The following SMCO2 variants were observed in gnomAD, a reference collection of about 807,000 sequenced individuals.
The protein encoded by SMCO2 is single-pass membrane protein with coiled-coil domains 2, also known as single-pass membrane and coiled-coil domain-containing protein 2.
In SMCO2, 25 loss-of-function variants were observed where a neutral mutation model predicts 29.5. The ratio of observed to expected loss-of-function variants is 0.85; its 90% CI spans 0.62 to 1.18. The LOEUF (loss-of-function observed/expected upper bound fraction) is 1.18, where lower values mean the gene tolerates loss of function less well. Ranked by LOEUF, SMCO2 falls within the 50% of genes most tolerant of loss-of-function variation. SMCO2 has a pLI of 0.00. For missense variants in SMCO2, 348 were observed against 344.5 expected (o/e 1.01, Z -0.08); for synonymous variants, 117 against 123.3 (o/e 0.95, Z 0.34).
intron 2 of SMCO2, among the ~76,000 whole-genome samples, chr12:27,471,128 T>C (rs1949537661): frequency 6.6e-6 from 1 of 152,170 alleles, no homozygotes; most frequent in African/African-American, 2.4e-5. Flanking sequence ...TATATACATT[T>C]GCTAGTACGT....
At chr12:27,501,115 G>T (rs1321108522) in intron 7 of SMCO2, among the ~76,000 whole-genome samples, 2 of 150,362 alleles carry the variant, frequency 1.3e-5, no homozygotes, top group Non-Finnish European at 2.9e-5. Flanking sequence ...GGTCCTCAAG[G>T]ATTTAAAAAA....
chr12:27,447,554 C>T, the SMCO2 span, among the ~76,000 whole-genome samples: 112,118 of 151,830 alleles, frequency 0.74, 42,079 homozygotes, highest in African/African-American at 0.84. Context: ...GCCCAGGAGC[C>T]TGAGACCAGC....
upstream of SMCO2, among the ~76,000 whole-genome samples, chr12:27,463,974 C>T (rs938667056): frequency 4.6e-5 from 7 of 152,156 alleles, no homozygotes; most frequent in Non-Finnish European, 1.0e-4. Context: ...CTGAGGATGT[C>T]AGAAGTATAC....
chr12:27,474,729 C>A, intron 3 of SMCO2, 57 bp from the exon 4 acceptor site: 2 of 1,543,976 alleles, frequency 1.3e-6, no homozygotes, highest in Non-Finnish European at 1.8e-6. Context: ...CTGGAAGAAC[C>A]ACCACATCTT....
At chr12:27,497,836 C>T (rs1943029970) in intron 7 of SMCO2, 1 of 260,900 alleles carries the variant, frequency 3.8e-6, no homozygotes, top group African/African-American at 2.4e-5. Flanking sequence ...ATGGTTATCT[C>T]TGGGTGAACA....
the SMCO2 span, among the ~76,000 whole-genome samples, chr12:27,450,145 G>A: frequency 6.6e-6 from 1 of 152,182 alleles, no homozygotes; most frequent in African/African-American, 2.4e-5. Flanking sequence ...AGAGGTCTGT[G>A]GAGCCTCTGG....
At chr12:27,469,716 T>C (rs939515057) in intron 1 of SMCO2, among the ~76,000 whole-genome samples, 12 of 152,120 alleles carry the variant, frequency 7.9e-5, no homozygotes, top group Admixed American at 1.3e-4. Context: ...CTAGGAGTTA[T>C]GTTTTGTATC....
intron 7 of SMCO2, among the ~76,000 whole-genome samples, chr12:27,501,415 C>CAAAAAAAAAAAAAAAAAA (rs540673188): frequency 3.5e-5 from 3 of 85,870 alleles, no homozygotes; most frequent in African/African-American, 4.8e-5. Flanking sequence ...GACTCCGTCT[C>CAAAAAAAAAAAAAAAAAA]AAAAAAAAAA....
At chr12:27,446,913 G>A in the SMCO2 span, among the ~76,000 whole-genome samples, 1 of 152,252 alleles carries the variant, frequency 6.6e-6, no homozygotes. Context: ...CATGCTTTAA[G>A]AACTTCTGCC....
intron 4 of SMCO2, among the ~76,000 whole-genome samples, chr12:27,479,908 A>C (rs1949626569): frequency 6.6e-6 from 1 of 152,188 alleles, no homozygotes; most frequent in Admixed American, 6.5e-5. Flanking sequence ...CAGCATGAGA[A>C]TAGACTAATA....
chr12:27,479,725 TA>T (rs1433731624), intron 4 of SMCO2, among the ~76,000 whole-genome samples: 2 of 152,158 alleles, frequency 1.3e-5, no homozygotes, highest in African/African-American at 4.8e-5. Context: ...GATCGTTTTA[TA>T]AAAGGGAGTT....
the SMCO2 span, among the ~76,000 whole-genome samples, chr12:27,440,244 G>A: frequency 6.6e-6 from 1 of 152,158 alleles, no homozygotes; most frequent in African/African-American, 2.4e-5. Flanking sequence ...CAATAATATT[G>A]TATTCTCAAA....
At chr12:27,485,895 G>A (rs428782) in intron 4 of SMCO2, among the ~76,000 whole-genome samples, 18,683 of 152,142 alleles carry the variant, frequency 0.12, 2,216 homozygotes, top group African/African-American at 0.29. Flanking sequence ...CTTTGTTCTG[G>A]AACACAGTTA....
chr12:27,496,803 A>G (rs1943010364), intron 7 of SMCO2: 1 of 150,790 alleles, frequency 6.6e-6, no homozygotes, highest in Non-Finnish European at 1.5e-5. Flanking sequence ...ATCCTGTCGG[A>G]CAGCCCATGG....
chr12:27,461,411 T>C, the SMCO2 span, among the ~76,000 whole-genome samples: 1 of 152,132 alleles, frequency 6.6e-6, no homozygotes, highest in African/African-American at 2.4e-5. Flanking sequence ...CCTCCAGCCC[T>C]CCACCTTCAA....
At chr12:27,495,012 ACCT>A (rs571322313) in intron 6 of SMCO2, among the ~76,000 whole-genome samples, 121 of 152,150 alleles carry the variant, frequency 8.0e-4, no homozygotes, top group African/African-American at 2.8e-3. Flanking sequence ...AATTTCCATT[ACCT>A]CAAAAAATAA....
At chr12:27,474,038 A>C (rs1202268126) in intron 3 of SMCO2, among the ~76,000 whole-genome samples, 1 of 152,234 alleles carries the variant, frequency 6.6e-6, no homozygotes, top group African/African-American at 2.4e-5. Context: ...GATATGAAAC[A>C]GTTTAAAAGG....
chr12:27,475,790 A>T, intron 4 of SMCO2, 59 bp downstream of exon 5: 1 of 1,370,874 alleles, frequency 7.3e-7, no homozygotes, highest in Non-Finnish European at 9.4e-7. Context: ...AGCTTTAAAA[A>T]TTTAAGAAAC....
chr12:27,482,924 G>T (rs1429076288), intron 4 of SMCO2, among the ~76,000 whole-genome samples: 2 of 152,064 alleles, frequency 1.3e-5, no homozygotes, highest in African/African-American at 2.4e-5. Context: ...ACAAAGTTTC[G>T]CCATGTGGCC....
Sources: allele counts gnomAD v4.1 joint callset (sites outside exome capture counted in the v4.1 genomes callset), GRCh38; gene constraint gnomAD v4.1.1; transcripts MANE v1.5; gene names NCBI Gene and HGNC (gene_info 2026-07-23, HGNC 2026-07-21).